PPP3CB: variants seen among roughly 807,000 people sequenced by gnomAD.
The protein encoded by PPP3CB is serine/threonine-protein phosphatase 2B catalytic subunit beta isoform.
A neutral mutation model predicts 66.4 loss-of-function variants in PPP3CB; 8 were observed. The observed-to-expected ratio is 0.12, with a 90% CI of 0.07 to 0.22. PPP3CB has a LOEUF of 0.22. PPP3CB is among the 10% of genes least tolerant of loss of function. PPP3CB has a pLI of 1.00. For missense variants in PPP3CB, 319 were observed against 642.5 expected, an observed-to-expected ratio of 0.50 and a Z score of 5.44; for synonymous variants, 208 against 221.2, an observed-to-expected ratio of 0.94 and a Z score of 0.53.
At chr10:73,452,222 A>G (rs1350871295) in intron 10 of PPP3CB, among the ~76,000 whole-genome samples, 1 of 152,194 alleles carries the variant, frequency 6.6e-6, no homozygotes, top group Non-Finnish European at 1.5e-5. Flanking sequence ...CATTATCTCA[A>G]TACCTACAAC....
chr10:73,464,536 T>C (rs908212776), intron 9 of PPP3CB, among the ~76,000 whole-genome samples: 3 of 152,200 alleles, frequency 2.0e-5, no homozygotes, highest in Non-Finnish European at 4.4e-5. Context: ...TTCAGAACTA[T>C]GACCATCCTG....
intron 12 of PPP3CB, among the ~76,000 whole-genome samples, chr10:73,442,845 C>A (rs145328945): frequency 6.6e-6 from 1 of 151,182 alleles, no homozygotes; most frequent in Non-Finnish European, 1.5e-5. Flanking sequence ...TAAAATAGAA[C>A]ATGTATAGGC....
At chr10:73,483,833 A>AT (rs1168323689) in intron 1 of PPP3CB, among the ~76,000 whole-genome samples, 3 of 151,414 alleles carry the variant, frequency 2.0e-5, no homozygotes, top group African/African-American at 2.4e-5. Context: ...GAGAGTTAAA[A>AT]TTTTTTTTTC....
chr10:73,455,758 G>A (rs2056416310), intron 9 of PPP3CB, among the ~76,000 whole-genome samples: 1 of 152,178 alleles, frequency 6.6e-6, no homozygotes, highest in South Asian at 2.1e-4. Context: ...TTTTAGTAGA[G>A]ATGGGGTTTC....
At chr10:73,469,510 C>A (rs1244691999) in intron 8 of PPP3CB, among the ~76,000 whole-genome samples, 1 of 152,158 alleles carries the variant, frequency 6.6e-6, no homozygotes, top group African/African-American at 2.4e-5. Context: ...CCACTGCATT[C>A]CAGCCTGGGC....
At chr10:73,491,029 T>G (rs977592616) in intron 1 of PPP3CB, among the ~76,000 whole-genome samples, 19 of 112,352 alleles carry the variant, frequency 1.7e-4, no homozygotes, top group South Asian at 6.0e-4. Flanking sequence ...ATTGTTTTTT[T>G]TTTTTTTTTT....
chr10:73,450,693 A>C (rs2056330241), intron 10 of PPP3CB, among the ~76,000 whole-genome samples: 1 of 152,250 alleles, frequency 6.6e-6, no homozygotes, highest in African/African-American at 2.4e-5. Flanking sequence ...AAACATTGTC[A>C]TAAATGGTGC....
At position 73,462,278 on chromosome 10, in the gene PPP3CB, C is replaced by T. The variant is rs2056535563; in HGVS notation, c.1108+5275G>A. 2.6e-5 allele frequency among the ~76,000 whole-genome samples: 4 copies of T among 151,222 alleles called. No individual in the cohort carries two copies. The South Asian group carries it at 8.3e-4, about 31-fold the overall frequency. On this transcript the variant is annotated intron_variant, in intron 9 of 13. Coordinates refer to ENST00000360663, the MANE Select transcript of PPP3CB (RefSeq NM_021132.4). ...GGCTCAAGCAATCCTTTCACCTTAGCCTCCCAAAGTGCTGGGATTACAGGC... is the reference window on the plus strand; with the variant it reads ...GGCTCAAGCAATCCTTTCACCTTAGTCTCCCAAAGTGCTGGGATTACAGGC...
At chr10:73,486,307 T>G (rs532156314) in intron 1 of PPP3CB, among the ~76,000 whole-genome samples, 177 of 148,806 alleles carry the variant, frequency 1.2e-3, no homozygotes, top group African/African-American at 4.3e-3. Flanking sequence ...TTTTTTTTTT[T>G]TTTTTTTTTT....
intron 1 of PPP3CB, among the ~76,000 whole-genome samples, chr10:73,485,968 T>C (rs2056969194): frequency 7.0e-6 from 1 of 143,528 alleles, no homozygotes; most frequent in African/African-American, 2.6e-5. Flanking sequence ...TTTTTTCAGA[T>C]GCAGTCTTGC....
intron 9 of PPP3CB, among the ~76,000 whole-genome samples, chr10:73,460,491 C>G (rs1230965901): frequency 6.6e-6 from 1 of 151,992 alleles, no homozygotes; most frequent in Non-Finnish European, 1.5e-5. Context: ...ATGGAAGGGT[C>G]ACCTCTTCAA....
chr10:73,488,755 C>T (rs1453752561), intron 1 of PPP3CB, among the ~76,000 whole-genome samples: 1 of 152,042 alleles, frequency 6.6e-6, no homozygotes, highest in Non-Finnish European at 1.5e-5. Context: ...AATTGGCTCC[C>T]CTTCCTGGCT....
rs550039319 is a variant in PPP3CB, at chr10:73,483,821, TAG to T, written c.86-4306_86-4305del. Reference sequence around the variant, plus strand: ...ATTTGGCCTAAAATAAGTTGCTCAATAGAGAGTTAAAATTTTTTTTTCATCAA... The same window carrying T: ...ATTTGGCCTAAAATAAGTTGCTCAATAGAGTTAAAATTTTTTTTTCATCAA... On this transcript the variant is annotated intron_variant, in intron 1 of 13. Transcript: ENST00000360663. Among the ~76,000 whole-genome samples, 31 of 152,212 alleles carry T rather than the reference TAG, an allele frequency of 2.0e-4. No homozygotes were observed. The East Asian group carries it at 5.8e-3, about 29-fold the overall frequency.
chr10:73,461,311 G>C lies in PPP3CB; in HGVS notation c.1108+6242C>G, dbSNP rs545434281. Among the ~76,000 whole-genome samples, 22 of 152,280 alleles carry C rather than the reference G, an allele frequency of 1.4e-4. No homozygotes were observed. In the South Asian group the frequency reaches 4.1e-3, roughly 29 times the overall value. On this transcript the variant is annotated intron_variant, in intron 9 of 13. Transcript: ENST00000360663. ...AAAATACAAAAATTAGCCAGGCATG[G>C]TGGGGCATGCCTGTAGTCCCAGCTA...
At chr10:73,446,108 CTTT>C (rs770474339) in intron 11 of PPP3CB, among the ~76,000 whole-genome samples, 2 of 138,144 alleles carry the variant, frequency 1.4e-5, no homozygotes, top group Admixed American at 7.2e-5. Flanking sequence ...TTTTTTCTTT[CTTT>C]TTTTTTTTTT....
intron 9 of PPP3CB, among the ~76,000 whole-genome samples, chr10:73,463,535 G>T (rs1480380559): frequency 6.6e-6 from 1 of 152,158 alleles, no homozygotes; most frequent in Non-Finnish European, 1.5e-5. Context: ...TTCAGACTCA[G>T]GCTCAGGAAG....
rs141837688 is a variant in PPP3CB at position 73,491,969 on chromosome 10, A to AAAATAAAT, written c.85+3828_85+3835dup. Among the ~76,000 whole-genome samples the AAAATAAAT allele has an allele frequency of 6.7e-4, 102 of 151,300 alleles. 2 individuals carry two copies. The South Asian group carries it at 0.012, about 17-fold the overall frequency. ...GCAAGAAGAGCGAAACTCCATCTCA[A>AAAATAAAT]AAATAAATAAATAAATAAATAAATA... On this transcript the variant is annotated intron_variant, in intron 1 of 13. Transcript: ENST00000360663.
chr10:73,485,513 A>G (rs567346292), intron 1 of PPP3CB, among the ~76,000 whole-genome samples: 1 of 152,324 alleles, frequency 6.6e-6, no homozygotes, highest in African/African-American at 2.4e-5. Context: ...CCAAAGTATC[A>G]TTCAGATGCC....
At chr10:73,448,271 G>A (rs1358842641) in intron 10 of PPP3CB, among the ~76,000 whole-genome samples, 1 of 151,998 alleles carries the variant, frequency 6.6e-6, no homozygotes, top group Admixed American at 6.6e-5. Flanking sequence ...TAAAAACACT[G>A]TACAAATCAG....
Sources: allele counts gnomAD v4.1 joint callset (sites outside exome capture counted in the v4.1 genomes callset), GRCh38; gene constraint gnomAD v4.1.1; transcripts MANE v1.5; gene names NCBI Gene and HGNC (gene_info 2026-07-23, HGNC 2026-07-21).